SPTBN4: variants seen among roughly 807,000 people sequenced by gnomAD.
SPTBN4 encodes the protein spectrin beta, non-erythrocytic 4.
Under a neutral mutation model 277.8 loss-of-function variants are expected in SPTBN4, and 96 were observed. The ratio of observed to expected loss-of-function variants is 0.35; its 90% CI spans 0.29 to 0.41. The LOEUF (loss-of-function observed/expected upper bound fraction) is 0.41, where lower values mean the gene tolerates loss of function less well. SPTBN4 is among the 10% of genes least tolerant of loss of function. SPTBN4 has a pLI of 1.00. For synonymous variants in SPTBN4, 1,481 were observed against 1,580.3 expected (o/e 0.94, Z 1.49); for missense variants, 3,006 against 3,595.7 (o/e 0.84, Z 4.19).
intron 2 of SPTBN4, among the ~76,000 whole-genome samples, chr19:40,475,986 C>T (rs1201716059): frequency 1.3e-5 from 2 of 151,968 alleles, no homozygotes; most frequent in Non-Finnish European, 2.9e-5. Flanking sequence ...GCAGAGGTTG[C>T]AGTGAGCCGA....
rs200313371 is a variant in SPTBN4, at chr19:40,490,047, C to G, written c.322-28C>G. On this transcript the variant is annotated intron_variant, in intron 3 of 35. Transcript: ENST00000598249. This position sits in a 1 kb window ranked among gnomAD's most constrained non-coding sequence, Gnocchi z 4.3. The stretch of plus-strand genomic sequence containing the variant: ...CCATACTCCTGTCTGTCCAGACCCC[C>G]GATCGCCCACCGCCCCTGTCGCCCT... The G allele has an allele frequency of 2.5e-6, 4 of 1,575,826 alleles. No homozygotes were observed. In the East Asian group the frequency reaches 9.1e-5, roughly 36 times the overall value.
chr19:40,489,683 G>A (rs1269534586), intron 3 of SPTBN4, among the ~76,000 whole-genome samples: 2 of 152,170 alleles, frequency 1.3e-5, no homozygotes, highest in Admixed American at 6.5e-5. Context: ...CCACTACGCC[G>A]GGGCGGCCAT....
In SPTBN4 at chr19:40,535,802, T is replaced by G. The variant is rs147846809; in HGVS notation, c.4359+1459T>G. Among the ~76,000 whole-genome samples, 661 of 152,064 alleles carry G rather than the reference T, an allele frequency of 4.3e-3. 7 individuals are homozygous for G. Among genetic ancestry groups the G allele is most frequent in the African/African-American group, 0.015 (640 of 41,502 alleles). Reference sequence around the variant, plus strand: ...ACACAAAAAAATTAGCTGGGCATGGTGGTGCACGCCTGTAATCCTAGCTAC... The same window carrying G: ...ACACAAAAAAATTAGCTGGGCATGGGGGTGCACGCCTGTAATCCTAGCTAC... On this transcript the variant is annotated intron_variant, in intron 20 of 35. Transcript: ENST00000598249.
intron 35 of SPTBN4, among the ~76,000 whole-genome samples, chr19:40,574,310 A>G (rs142362694): frequency 5.0e-4 from 76 of 152,042 alleles, no homozygotes; most frequent in African/African-American, 1.8e-3. Flanking sequence ...GTTGAGAGTA[A>G]TAACTAACAC....
intron 15 of SPTBN4, among the ~76,000 whole-genome samples, chr19:40,516,748 C>T (rs1034291857): frequency 5.3e-5 from 8 of 152,086 alleles, no homozygotes; most frequent in Admixed American, 1.3e-4. Flanking sequence ...TGCTTGAACC[C>T]GGGAGGCAGA....
In SPTBN4 at chr19:40,472,711, G is replaced by T; in HGVS notation, c.90G>T (p.Arg30=). 6.2e-7 allele frequency: 1 copy of T among 1,612,596 alleles called. No homozygotes were observed. ...NPAARWESPD[R]GWEREQPAAS... The stretch of plus-strand genomic sequence containing the variant: ...CTGCCCGCTGGGAGAGTCCGGATCG[G>T]GGCTGGGAGCGGGAGCAGCCGGCTG... The change falls in exon 2 of 36, where the codon CGG becomes CGT. Residue 30 remains arginine, a synonymous_variant. Transcript: ENST00000598249.
In SPTBN4 at chr19:40,472,898, A is replaced by G. The variant is rs910759191; in HGVS notation, c.169+108A>G. On this transcript the variant is annotated intron_variant, in intron 2 of 35. Coordinates refer to ENST00000598249, the MANE Select transcript of SPTBN4 (RefSeq NM_020971.3). Reference sequence around the variant, plus strand: ...GGAAAAGAGACCAGCACTGTCCAATAGAACTTTCCATGATGGTGGAAATAG... The same window carrying G: ...GGAAAAGAGACCAGCACTGTCCAATGGAACTTTCCATGATGGTGGAAATAG... 4.4e-6 allele frequency: 5 copies of G among 1,128,972 alleles called. No homozygotes were observed. The African/African-American group carries it at 7.8e-5, about 18-fold the overall frequency. The allele number at this position is 1,128,972 out of a possible 1,614,324, so 69.9% of individuals were successfully genotyped here.
intron 20 of SPTBN4, among the ~76,000 whole-genome samples, chr19:40,548,515 A>G (rs577779765): frequency 6.6e-6 from 1 of 152,152 alleles, no homozygotes; most frequent in Admixed American, 6.6e-5. Context: ...CAGGAGTTCA[A>G]GACCAGCCTG....
intron 35 of SPTBN4, among the ~76,000 whole-genome samples, chr19:40,574,189 G>A (rs997081429): frequency 2.0e-5 from 3 of 152,182 alleles, no homozygotes; most frequent in East Asian, 1.9e-4. Context: ...CCCAGGCCGC[G>A]GCCAGGGCAG....
Position 40,520,113 on chromosome 19 carries a change from C to A in SPTBN4, c.3616C>A (p.Arg1206=), listed in dbSNP as rs1326038929. 6.8e-7 allele frequency: 1 copy of A among 1,467,174 alleles called. No individual in the cohort carries two copies. Among genetic ancestry groups the A allele is most frequent in the South Asian group, 1.4e-5 (1 of 69,498 alleles). 90.9% of individuals were successfully genotyped at this position (1,467,174 alleles called of 1,614,324 possible). Residue 1206 remains arginine (R), a synonymous_variant, in exon 16 of 36, where the codon CGG becomes AGG. Transcript: ENST00000598249. ...VQAHIYQLFL[R]DLRQALVVLR... ...GGCGCACATCTACCAGCTCTTCCTGCGGGATCTACGCCAGGCGCTCGTGGT... is the reference window on the plus strand; with the variant it reads ...GGCGCACATCTACCAGCTCTTCCTGAGGGATCTACGCCAGGCGCTCGTGGT...
chr19:40,476,887 T>G (rs2079954917), intron 2 of SPTBN4, among the ~76,000 whole-genome samples: 2 of 151,924 alleles, frequency 1.3e-5, no homozygotes, highest in South Asian at 4.2e-4. Flanking sequence ...GCGCCCGTCC[T>G]GTTTTTAGTT....
intron 31 of SPTBN4, among the ~76,000 whole-genome samples, chr19:40,569,424 C>T (rs1387870069): frequency 1.1e-5 from 1 of 88,864 alleles, no homozygotes; most frequent in South Asian, 3.0e-4. Flanking sequence ...AAGACTCCGT[C>T]TCAAAAAAAA....
In SPTBN4 at chr19:40,530,413, G is replaced by A. The variant is rs2080651215; in HGVS notation, c.3948+1282G>A. 4 of 775,432 alleles carry A rather than the reference G, an allele frequency of 5.2e-6. No individual in the cohort carries two copies. The South Asian group carries it at 1.7e-4, about 34-fold the overall frequency. The allele number at this position is 775,432 out of a possible 1,614,324, so 48.0% of individuals were successfully genotyped here. On this transcript the variant is annotated intron_variant, in intron 18 of 35. Coordinates refer to ENST00000598249, the MANE Select transcript of SPTBN4 (RefSeq NM_020971.3). ...TGGGGCCCCGCAAAGAGGCGGGCAG[G>A]GAGGCAGGCAGGGGGCGCACGCGGG... is the stretch of plus-strand genomic sequence containing the variant.
chr19:40,522,513 C>T (rs140421849), intron 16 of SPTBN4, among the ~76,000 whole-genome samples: 10 of 150,960 alleles, frequency 6.6e-5, no homozygotes, highest in South Asian at 6.3e-4. Flanking sequence ...CCACTACACC[C>T]GGCTAATATT....
Position 40,490,051 on chromosome 19 carries a change from C to T in SPTBN4, c.322-24C>T, listed in dbSNP as rs1194687001. On this transcript the variant is annotated intron_variant, in intron 3 of 35. Coordinates refer to ENST00000598249, the MANE Select transcript of SPTBN4 (RefSeq NM_020971.3). This position sits in a 1 kb window ranked among gnomAD's most constrained non-coding sequence, Gnocchi z 4.3. ...ACTCCTGTCTGTCCAGACCCCCGAT[C>T]GCCCACCGCCCCTGTCGCCCTAGCC... 6 of 1,580,806 alleles carry T rather than the reference C, an allele frequency of 3.8e-6. No individual in the cohort carries two copies. The highest frequency in any genetic ancestry group is 2.3e-5 in the South Asian group (2 of 86,980).
At chr19:40,495,369 G>T (rs977648739) in intron 6 of SPTBN4, among the ~76,000 whole-genome samples, 3 of 152,130 alleles carry the variant, frequency 2.0e-5, no homozygotes, top group Admixed American at 2.0e-4. Context: ...CAGGCCAGGC[G>T]CAGTGGCTCA....
intron 29 of SPTBN4, 25 bp from the exon 30 acceptor site, chr19:40,566,138 C>G (rs958879266): frequency 6.8e-7 from 1 of 1,474,106 alleles, no homozygotes; most frequent in African/African-American, 1.4e-5. Context: ...GCCCCAGAAT[C>G]CTTACCCTGC....
chr19:40,515,572 A>G lies in SPTBN4; in HGVS notation c.2903+124A>G. On this transcript the variant is annotated intron_variant, in intron 15 of 35. Coordinates refer to ENST00000598249, the MANE Select transcript of SPTBN4 (RefSeq NM_020971.3). This position sits in a 1 kb window ranked among gnomAD's most constrained non-coding sequence, Gnocchi z 4.1. The stretch of plus-strand genomic sequence containing the variant: ...AATGGCCACCCGATAAATCAACAAA[A>G]TGTTGACCAAAAATCATAATCCCTG... 2.6e-6 allele frequency: 3 copies of G among 1,175,080 alleles called. No homozygotes were observed. Among genetic ancestry groups the G allele is most frequent in the Non-Finnish European group, 3.4e-6 (3 of 881,946 alleles). The allele number at this position is 1,175,080 out of a possible 1,614,324, so 72.8% of individuals were successfully genotyped here.
intron 15 of SPTBN4, among the ~76,000 whole-genome samples, chr19:40,517,573 G>A (rs1354339292): frequency 6.6e-6 from 1 of 152,120 alleles, no homozygotes; most frequent in African/African-American, 2.4e-5. Context: ...GGAATTACAG[G>A]CATGAGCCAC....
Sources: gnomAD v4.1 joint callset for allele counts (sites outside exome capture counted in the v4.1 genomes callset) on GRCh38, gnomAD v4.1.1 for gene constraint, Gnocchi (gnomAD v3.1) non-coding constraint, MANE v1.5 for transcripts, NCBI Gene and HGNC (gene_info 2026-07-23, HGNC 2026-07-21) for gene names.